SCUBE1: variants seen among roughly 807,000 people sequenced by gnomAD.
SCUBE1 encodes the protein signal peptide, CUB domain and EGF like domain containing 1, also known as signal peptide, CUB and EGF-like domain-containing protein 1.
A neutral mutation model predicts 124.4 loss-of-function variants in SCUBE1; 59 were observed. That is an observed-to-expected ratio of 0.47 (90% CI 0.38 to 0.59). The LOEUF is 0.59. Among genes scored for constraint, SCUBE1 ranks in the 20% least tolerant of loss-of-function variants. SCUBE1 has a pLI of 0.00. For synonymous variants in SCUBE1, 545 were observed against 550.9 expected, an observed-to-expected ratio of 0.99 and a Z score of 0.15; for missense variants, 1,150 against 1,371.2, an observed-to-expected ratio of 0.84 and a Z score of 2.55.
chr22:43,248,443 C>A (rs1393632455), intron 6 of SCUBE1, among the ~76,000 whole-genome samples: 1 of 152,226 alleles, frequency 6.6e-6, no homozygotes, highest in Admixed American at 6.5e-5. Flanking sequence ...CTCCGCACAG[C>A]GGAGTCGCCA....
intron 4 of SCUBE1, among the ~76,000 whole-genome samples, chr22:43,268,208 T>A (rs1569003025): frequency 6.6e-6 from 1 of 152,244 alleles, no homozygotes; most frequent in Non-Finnish European, 1.5e-5. Context: ...TCTGTGAGCC[T>A]GAGGGACGGA....
Position 43,200,519 on chromosome 22 carries a change from G to C in SCUBE1, c.*3478C>G, listed in dbSNP as rs949119028. ...CATCAGTCAAGCTGCCATTGGCTTC[G>C]ACAACATGCCAACTGGAAGAAATGC... is the stretch of plus-strand genomic sequence containing the variant. On this transcript the variant is annotated 3_prime_UTR_variant, in exon 22 of 22. Transcript: ENST00000360835. 1.3e-5 allele frequency: 2 copies of C among 152,464 alleles called. No homozygotes were observed. The highest frequency in any genetic ancestry group is 2.1e-4 in the South Asian group (1 of 4,834). The allele number at this position is 152,464 out of a possible 1,614,324, so 9.4% of individuals were successfully genotyped here.
intron 15 of SCUBE1, among the ~76,000 whole-genome samples, chr22:43,217,329 C>A (rs1245651208): frequency 2.6e-5 from 4 of 151,226 alleles, no homozygotes; most frequent in Non-Finnish European, 4.4e-5. Flanking sequence ...CCCATCCCCG[C>A]AGCCCACTCT....
chr22:43,335,285 T>C (rs148519241), intron 2 of SCUBE1, among the ~76,000 whole-genome samples: 10 of 152,334 alleles, frequency 6.6e-5, no homozygotes, highest in Admixed American at 2.0e-4. Context: ...TCCGTGTTTA[T>C]GTGTTGGGGG....
In SCUBE1 at chr22:43,223,249, AG is replaced by A. The variant is rs747018275; in HGVS notation, c.1208-34del. The A allele has an allele frequency of 5.8e-6, 9 of 1,547,548 alleles. No homozygotes were observed. The East Asian group carries it at 2.2e-4, about 38-fold the overall frequency. On this transcript the variant is annotated intron_variant, in intron 10 of 21. Transcript: ENST00000360835. The stretch of plus-strand genomic sequence containing the variant: ...GGGAGATACGAGAGAGGGCTGAGAG[AG>A]GCCAGGGCGGAGGCTTCCTGGAGCC...
chr22:43,239,006 G>T, intron 6 of SCUBE1, 52 bp from the exon 7 acceptor site: 1 of 1,431,316 alleles, frequency 7.0e-7, no homozygotes, highest in Non-Finnish European at 9.8e-7. Context: ...GAAGCCACTG[G>T]CTTTCCCCTT....
intron 6 of SCUBE1, among the ~76,000 whole-genome samples, chr22:43,254,368 A>G (rs555196255): frequency 6.6e-6 from 1 of 152,170 alleles, no homozygotes; most frequent in African/African-American, 2.4e-5. Flanking sequence ...ACACAAGGCC[A>G]TATCCCCTGT....
chr22:43,291,946 C>T (rs1166328986), intron 3 of SCUBE1, among the ~76,000 whole-genome samples: 1 of 152,060 alleles, frequency 6.6e-6, no homozygotes, highest in Non-Finnish European at 1.5e-5. Flanking sequence ...GATTCAAACC[C>T]GGTGGTCTGA....
chr22:43,223,545 C>A, intron 10 of SCUBE1, among the ~76,000 whole-genome samples: 1 of 152,274 alleles, frequency 6.6e-6, no homozygotes, highest in Non-Finnish European at 1.5e-5. Flanking sequence ...AAAGGAACGG[C>A]GCTAAATGAA....
intron 19 of SCUBE1, among the ~76,000 whole-genome samples, 187 bp downstream of exon 19, chr22:43,209,856 G>C (rs999262248): frequency 2.6e-5 from 4 of 152,210 alleles, no homozygotes; most frequent in Non-Finnish European, 5.9e-5. Flanking sequence ...ACTCTGTAAA[G>C]CCAGCTCTTA....
At chr22:43,313,611 G>A (rs1469427380) in intron 3 of SCUBE1, among the ~76,000 whole-genome samples, 1 of 152,218 alleles carries the variant, frequency 6.6e-6, no homozygotes, top group Non-Finnish European at 1.5e-5. Flanking sequence ...GCTAAAAGCA[G>A]CCATTTGGGG....
chr22:43,271,450 G>T (rs1020365888), intron 4 of SCUBE1, among the ~76,000 whole-genome samples: 5 of 152,202 alleles, frequency 3.3e-5, no homozygotes, highest in African/African-American at 1.2e-4. Flanking sequence ...TTTGGACTGT[G>T]TCGGAACAGG....
At chr22:43,263,521 C>T (rs1368639052) in intron 4 of SCUBE1, among the ~76,000 whole-genome samples, 1 of 152,216 alleles carries the variant, frequency 6.6e-6, no homozygotes, top group Non-Finnish European at 1.5e-5. Context: ...CGGGGAGCGG[C>T]AGTGAAGGCT....
chr22:43,290,215 C>T (rs1925305105), intron 4 of SCUBE1, among the ~76,000 whole-genome samples: 2 of 152,124 alleles, frequency 1.3e-5, no homozygotes, highest in Admixed American at 1.3e-4. Context: ...AGCCCCTCTC[C>T]TCCAAGCACA....
intron 7 of SCUBE1, among the ~76,000 whole-genome samples, chr22:43,236,326 C>T (rs911998572): frequency 5.9e-5 from 9 of 152,240 alleles, no homozygotes; most frequent in African/African-American, 2.2e-4. Context: ...GCAGTTCTAG[C>T]CAGTCCCTTG....
chr22:43,308,810 T>C (rs544595362), intron 3 of SCUBE1, among the ~76,000 whole-genome samples: 13 of 152,320 alleles, frequency 8.5e-5, no homozygotes, highest in African/African-American at 3.1e-4. Context: ...AAGTGCCACT[T>C]GCACATCCAT....
intron 4 of SCUBE1, among the ~76,000 whole-genome samples, chr22:43,264,555 T>A (rs748681015): frequency 1.3e-5 from 2 of 152,198 alleles, no homozygotes; most frequent in Admixed American, 1.3e-4. Context: ...GGGAGCCTCC[T>A]GCCCTGGTAA....
chr22:43,286,916 T>A (rs1925169796), intron 4 of SCUBE1, among the ~76,000 whole-genome samples: 1 of 152,156 alleles, frequency 6.6e-6, no homozygotes, highest in Non-Finnish European at 1.5e-5. Context: ...AGGAGACAGT[T>A]CCTCCAGGAG....
chr22:43,234,065 C>T lies in SCUBE1; in HGVS notation c.845-2190G>A, dbSNP rs1026112055. Among the ~76,000 whole-genome samples the T allele has an allele frequency of 2.0e-5, 3 of 152,074 alleles. No homozygotes were observed. The highest frequency in any genetic ancestry group is 2.9e-5 in the Non-Finnish European group (2 of 67,998). On this transcript the variant is annotated intron_variant, in intron 7 of 21. Coordinates refer to ENST00000360835, the MANE Select transcript of SCUBE1 (RefSeq NM_173050.5). This position sits in a 1 kb window ranked among gnomAD's most constrained non-coding sequence, Gnocchi z 4.4. ...GACGGGCCTGCTGCAGCACATCACGCTGGCCCTGCAGCCACCAAGAAAGAG... is the reference window on the plus strand; with the variant it reads ...GACGGGCCTGCTGCAGCACATCACGTTGGCCCTGCAGCCACCAAGAAAGAG...
Sources: gnomAD v4.1 joint callset for allele counts (sites outside exome capture counted in the v4.1 genomes callset) on GRCh38, gnomAD v4.1.1 for gene constraint, Gnocchi (gnomAD v3.1) non-coding constraint, MANE v1.5 for transcripts, NCBI Gene and HGNC (gene_info 2026-07-23, HGNC 2026-07-21) for gene names.